Variants in L3MBTL4 observed in about 807,000 individuals in gnomAD.
L3MBTL4 encodes the protein lethal(3)malignant brain tumor-like protein 4.
In L3MBTL4, 70 loss-of-function variants were observed where a neutral mutation model predicts 84.5. That is an observed-to-expected ratio of 0.83 (90% CI 0.68 to 1.01). The LOEUF is 1.01. L3MBTL4 is among the 50% of genes least tolerant of loss of function. The pLI, the probability that L3MBTL4 is intolerant of heterozygous loss-of-function variation, is 0.00. For synonymous variants in L3MBTL4, 274 were observed against 259.8 expected (o/e 1.05, Z -0.52); for missense variants, 715 against 754.8 (o/e 0.95, Z 0.62).
intron 4 of L3MBTL4, among the ~76,000 whole-genome samples, chr18:6,266,275 T>A (rs1223912680): frequency 2.0e-5 from 3 of 152,236 alleles, no homozygotes; most frequent in Admixed American, 2.0e-4. Flanking sequence ...ATACTAACAG[T>A]GGCTACATGT....
At chr18:6,238,890 T>C (rs2047331404) in intron 9 of L3MBTL4, among the ~76,000 whole-genome samples, 1 of 151,702 alleles carries the variant, frequency 6.6e-6, no homozygotes, top group South Asian at 2.1e-4. Flanking sequence ...ATTTTTGCCA[T>C]GACCTCTTGC....
At chr18:6,142,249 A>G (rs9956966) in intron 13 of L3MBTL4, among the ~76,000 whole-genome samples, 2,583 of 152,290 alleles carry the variant, frequency 0.017, 79 homozygotes, top group African/African-American at 0.058. Context: ...TATCTAGCCC[A>G]ACACATAGTT....
At chr18:6,204,713 C>T (rs988351774) in intron 12 of L3MBTL4, among the ~76,000 whole-genome samples, 2 of 152,206 alleles carry the variant, frequency 1.3e-5, no homozygotes, top group Non-Finnish European at 2.9e-5. Flanking sequence ...CCCTCAGCAT[C>T]TTTGAGCACA....
intron 5 of L3MBTL4, among the ~76,000 whole-genome samples, chr18:6,253,487 G>GTTA (rs2146265471): frequency 6.6e-6 from 1 of 152,322 alleles, no homozygotes; most frequent in East Asian, 1.9e-4. Context: ...TACTTAGGGG[G>GTTA]TAAAATGGGC....
Position 6,393,149 on chromosome 18 carries a change from C to T in L3MBTL4, c.-91+21652G>A, listed in dbSNP as rs183488280. Among the ~76,000 whole-genome samples the T allele has an allele frequency of 1.1e-4, 16 of 152,232 alleles. No homozygotes were observed. The East Asian group carries it at 1.2e-3, about 11-fold the overall frequency. The stretch of plus-strand genomic sequence containing the variant: ...CTACAGACATCATATTTAATTTATG[C>T]GAATTCAACGGGCCAAATGTAATCA... On this transcript the variant is annotated intron_variant, in intron 1 of 18. Coordinates refer to ENST00000317931, the MANE Select transcript of L3MBTL4 (RefSeq NM_001330559.2).
chr18:6,202,886 A>G (rs1319764576), intron 12 of L3MBTL4, among the ~76,000 whole-genome samples: 1 of 152,238 alleles, frequency 6.6e-6, no homozygotes, highest in Middle Eastern at 3.2e-3. Context: ...GAGAGGTCAC[A>G]GCAGTAGATA....
intron 1 of L3MBTL4, among the ~76,000 whole-genome samples, chr18:6,368,524 G>C (rs746881506): frequency 6.6e-6 from 1 of 152,072 alleles, no homozygotes; most frequent in African/African-American, 2.4e-5. Flanking sequence ...GCATTAACTC[G>C]TGGAACTTCA....
At chr18:6,175,287 C>T (rs926070540) in intron 12 of L3MBTL4, among the ~76,000 whole-genome samples, 3 of 152,134 alleles carry the variant, frequency 2.0e-5, no homozygotes, top group South Asian at 2.1e-4. Flanking sequence ...ATCTTTAAAA[C>T]GCTAACAGGA....
intron 16 of L3MBTL4, among the ~76,000 whole-genome samples, chr18:6,046,074 A>G (rs2056608321): frequency 6.6e-6 from 1 of 152,296 alleles, no homozygotes; most frequent in Admixed American, 6.5e-5. Context: ...CAAAAATAAT[A>G]TAAGAATAGC....
intron 16 of L3MBTL4, among the ~76,000 whole-genome samples, chr18:6,015,151 T>A (rs1598437462): frequency 6.6e-6 from 1 of 152,002 alleles, no homozygotes; most frequent in African/African-American, 2.4e-5. Flanking sequence ...AAGACACAGG[T>A]AGATTTCAAA....
chr18:6,013,291 CCTT>C (rs900885339), intron 16 of L3MBTL4, among the ~76,000 whole-genome samples: 3 of 152,204 alleles, frequency 2.0e-5, no homozygotes, highest in Admixed American at 2.0e-4. Context: ...CTCACCCGCT[CCTT>C]CTCCGTGCCA....
chr18:6,155,915 T>C (rs1217447383), intron 13 of L3MBTL4, among the ~76,000 whole-genome samples: 4 of 152,172 alleles, frequency 2.6e-5, no homozygotes, highest in African/African-American at 9.6e-5. Context: ...CTAGGAGTCA[T>C]TTAAGGATAC....
chr18:6,138,131 AGCTGCT>A, intron 14 of L3MBTL4, 57 bp downstream of exon 14: 1 of 1,105,472 alleles, frequency 9.0e-7, no homozygotes, highest in South Asian at 1.4e-5. Flanking sequence ...TGCTCCATGT[AGCTGCT>A]AATCTGCAGA....
chr18:6,093,168 A>G (rs544831225), intron 15 of L3MBTL4, among the ~76,000 whole-genome samples, 187 bp downstream of exon 15: 345 of 152,366 alleles, frequency 2.3e-3, no homozygotes, highest in Non-Finnish European at 3.8e-3. Context: ...ATGAAGCAAA[A>G]TAAAATATTT....
chr18:6,036,903 C>T (rs141316798), intron 16 of L3MBTL4, among the ~76,000 whole-genome samples: 166 of 152,312 alleles, frequency 1.1e-3, no homozygotes, highest in Non-Finnish European at 1.7e-3. Flanking sequence ...CATTTTCTAA[C>T]TTCTCCATAC....
At chr18:6,294,713 T>TCAAAAAAAA (rs1555719275) in intron 4 of L3MBTL4, among the ~76,000 whole-genome samples, 2 of 136,920 alleles carry the variant, frequency 1.5e-5, no homozygotes, top group Non-Finnish European at 3.2e-5. Flanking sequence ...GCTCAATCAA[T>TCAAAAAAAA]CAAAACAAAA....
intron 1 of L3MBTL4, among the ~76,000 whole-genome samples, chr18:6,387,150 T>A (rs2054856981): frequency 6.6e-6 from 1 of 152,202 alleles, no homozygotes; most frequent in Admixed American, 6.5e-5. Flanking sequence ...AGCCTGGAAC[T>A]ACAGGCTGGG....
chr18:6,263,696 C>T (rs576352786), intron 5 of L3MBTL4, among the ~76,000 whole-genome samples: 3 of 152,164 alleles, frequency 2.0e-5, no homozygotes, highest in African/African-American at 4.8e-5. Flanking sequence ...GGTAGGGAAC[C>T]TTTCCTACCT....
chr18:6,175,829 G>A (rs2044202969), intron 12 of L3MBTL4, among the ~76,000 whole-genome samples: 1 of 151,862 alleles, frequency 6.6e-6, no homozygotes, highest in Non-Finnish European at 1.5e-5. Flanking sequence ...GTGCAATTAG[G>A]CAAGAGAAAG....
Sources: gnomAD v4.1 joint callset for allele counts (sites outside exome capture counted in the v4.1 genomes callset) on GRCh38, gnomAD v4.1.1 for gene constraint, MANE v1.5 for transcripts, NCBI Gene and HGNC (gene_info 2026-07-23, HGNC 2026-07-21) for gene names.